Variants in ADAM22 observed in about 807,000 individuals in gnomAD.
The protein encoded by ADAM22 is ADAM metallopeptidase domain 22, also known as disintegrin and metalloproteinase domain-containing protein 22.
ADAM22 carries 65 observed loss-of-function variants against 144.6 expected under a neutral mutation model. The ratio of observed to expected loss-of-function variants is 0.45; its 90% CI spans 0.37 to 0.55. The LOEUF (loss-of-function observed/expected upper bound fraction) is 0.55, where lower values mean the gene tolerates loss of function less well. Ranked by LOEUF, ADAM22 falls within the 20% of genes least tolerant of loss-of-function variation. ADAM22 has a pLI of 0.00. For synonymous variants in ADAM22, 391 were observed against 412.6 expected (o/e 0.95, Z 0.63); for missense variants, 974 against 1,184.9 (o/e 0.82, Z 2.61).
intron 3 of ADAM22, among the ~76,000 whole-genome samples, chr7:88,012,376 T>G (rs1261775272): frequency 3.3e-5 from 5 of 152,196 alleles, no homozygotes; most frequent in African/African-American, 1.2e-4. Flanking sequence ...ACTGTTTTTT[T>G]TCTTGCCTTT....
intron 2 of ADAM22, among the ~76,000 whole-genome samples, chr7:87,952,462 T>G (rs1337145491): frequency 6.6e-6 from 1 of 152,170 alleles, no homozygotes; most frequent in Non-Finnish European, 1.5e-5. Flanking sequence ...TTGCATATAT[T>G]GAACCAGCCT....
At chr7:88,121,188 T>A (rs1044466498) in intron 7 of ADAM22, among the ~76,000 whole-genome samples, 1 of 152,124 alleles carries the variant, frequency 6.6e-6, no homozygotes, top group Non-Finnish European at 1.5e-5. Context: ...AATCCTCCAA[T>A]TCTGGTTTTT....
At chr7:87,945,445 G>T (rs1176043514) in intron 2 of ADAM22, among the ~76,000 whole-genome samples, 1 of 151,758 alleles carries the variant, frequency 6.6e-6, no homozygotes, top group African/African-American at 2.4e-5. Context: ...ATAGGATTTT[G>T]AAAAACAGAT....
intron 7 of ADAM22, among the ~76,000 whole-genome samples, chr7:88,123,996 T>G (rs1044743109): frequency 2.6e-5 from 4 of 152,016 alleles, no homozygotes; most frequent in Non-Finnish European, 1.5e-5. Context: ...TTTCATTTTC[T>G]TTAAATAAAA....
At chr7:88,113,420 G>A (rs1179215138) in intron 5 of ADAM22, among the ~76,000 whole-genome samples, 1 of 150,708 alleles carries the variant, frequency 6.6e-6, no homozygotes, top group Non-Finnish European at 1.5e-5. Context: ...TATCCTTGCT[G>A]TGCTAAAAAT....
intron 3 of ADAM22, among the ~76,000 whole-genome samples, chr7:88,053,744 C>G (rs1807345995): frequency 6.6e-6 from 1 of 152,156 alleles, no homozygotes; most frequent in South Asian, 2.1e-4. Flanking sequence ...TTAAGGGCTA[C>G]ATAGTATATA....
chr7:88,176,724 CTCTTGTATAATAGCTTG>C (rs1163716121), intron 26 of ADAM22, among the ~76,000 whole-genome samples: 5 of 152,048 alleles, frequency 3.3e-5, no homozygotes, highest in African/African-American at 1.2e-4. Context: ...TAGTTCAGTG[CTCTTGTATAATAGCTTG>C]TCTTTATTTT....
At chr7:88,027,450 T>G (rs1025848803) in intron 3 of ADAM22, among the ~76,000 whole-genome samples, 1 of 152,352 alleles carries the variant, frequency 6.6e-6, no homozygotes, top group Non-Finnish European at 1.5e-5. Flanking sequence ...TTCCTCATGG[T>G]TCAATCTTGG....
chr7:87,937,961 A>G (rs1297581210), intron 2 of ADAM22, among the ~76,000 whole-genome samples: 2 of 152,174 alleles, frequency 1.3e-5, no homozygotes, highest in Non-Finnish European at 2.9e-5. Context: ...CATGCTGCTT[A>G]AACTACAGGT....
At chr7:87,951,142 A>G (rs1235565563) in intron 2 of ADAM22, among the ~76,000 whole-genome samples, 1 of 151,406 alleles carries the variant, frequency 6.6e-6, no homozygotes, top group Non-Finnish European at 1.5e-5. Context: ...TCTTTAGTTT[A>G]ATTAGATCCC....
In ADAM22 at chr7:88,197,971, AG is replaced by A. The variant is rs1850856074; in HGVS notation, c.*1481del. 6.6e-6 allele frequency: 1 copy of A among 152,182 alleles called. No individual in the cohort carries two copies. The highest frequency in any genetic ancestry group is 2.4e-5 in the African/African-American group (1 of 41,436). 9.4% of individuals were successfully genotyped at this position (152,182 alleles called of 1,614,324 possible). ...TTAAAAGACCCTTCTTTAAAACCAA[AG>A]TTTGATAGCTGTTATAATGGCAGAT... is the stretch of plus-strand genomic sequence containing the variant. On this transcript the variant is annotated 3_prime_UTR_variant, in exon 32 of 32. Coordinates refer to ENST00000413139, the MANE Select transcript of ADAM22 (RefSeq NM_001324418.2).
At position 88,125,635 on chromosome 7, in the gene ADAM22, A is replaced by G; in HGVS notation, c.654A>G (p.Pro218=). The G allele has an allele frequency of 2.5e-6, 4 of 1,591,962 alleles. No homozygotes were observed. The highest frequency in any genetic ancestry group is 3.4e-6 in the Non-Finnish European group (4 of 1,171,028). ...CTCCATCAAAATTTATTTTGAAGCC[A>G]AGACCAAAAAGGAGTAAACGGCAGG... ...NITPSKFILK[P]RPKRSKRQLR... Residue 218 remains proline (P), a synonymous_variant, in exon 8 of 32, where the codon CCA becomes CCG. Coordinates refer to ENST00000413139, the MANE Select transcript of ADAM22 (RefSeq NM_001324418.2).
intron 3 of ADAM22, among the ~76,000 whole-genome samples, chr7:88,037,075 T>A (rs1214024067): frequency 6.6e-6 from 1 of 152,136 alleles, no homozygotes; most frequent in African/African-American, 2.4e-5. Context: ...ATTGGACATT[T>A]ATGTTATTTT....
At chr7:87,942,552 A>G (rs1005457131) in intron 2 of ADAM22, among the ~76,000 whole-genome samples, 4 of 152,228 alleles carry the variant, frequency 2.6e-5, no homozygotes, top group Admixed American at 6.5e-5. Context: ...TTGGAACTAT[A>G]TATGACTTTT....
At chr7:88,094,477 C>T (rs990962801) in intron 4 of ADAM22, among the ~76,000 whole-genome samples, 3 of 152,058 alleles carry the variant, frequency 2.0e-5, no homozygotes, top group African/African-American at 7.2e-5. Flanking sequence ...AGCAAGTGCA[C>T]AGGAAGAAAA....
intron 3 of ADAM22, among the ~76,000 whole-genome samples, chr7:88,035,893 A>G (rs1334894861): frequency 6.6e-6 from 1 of 152,208 alleles, no homozygotes; most frequent in Non-Finnish European, 1.5e-5. Context: ...GAGTTTCATA[A>G]GCTATGGATT....
intron 20 of ADAM22, among the ~76,000 whole-genome samples, chr7:88,151,540 G>A (rs1475772462): frequency 1.3e-5 from 2 of 152,218 alleles, no homozygotes; most frequent in Non-Finnish European, 2.9e-5. Context: ...CTGTGGACGA[G>A]ACAGAAAGTG....
At chr7:87,992,606 G>A (rs1033390973) in intron 3 of ADAM22, among the ~76,000 whole-genome samples, 4 of 152,104 alleles carry the variant, frequency 2.6e-5, no homozygotes, top group Admixed American at 2.6e-4. Context: ...ATTTCCATAG[G>A]TAGTATTCGT....
intron 2 of ADAM22, among the ~76,000 whole-genome samples, chr7:87,962,155 A>G (rs1282954140): frequency 6.6e-6 from 1 of 152,268 alleles, no homozygotes; most frequent in East Asian, 1.9e-4. Flanking sequence ...ACACTCTATA[A>G]AACAATGATA....
Sources: gnomAD v4.1 joint callset for allele counts (sites outside exome capture counted in the v4.1 genomes callset) on GRCh38, gnomAD v4.1.1 for gene constraint, MANE v1.5 for transcripts, NCBI Gene and HGNC (gene_info 2026-07-23, HGNC 2026-07-21) for gene names.